Variants in MDGA1 observed in about 807,000 individuals in gnomAD.
MDGA1 encodes the protein MAM domain-containing glycosylphosphatidylinositol anchor protein 1.
MDGA1 carries 54 observed loss-of-function variants against 101.5 expected under a neutral mutation model. The ratio of observed to expected loss-of-function variants is 0.53; its 90% CI spans 0.43 to 0.67. The LOEUF (loss-of-function observed/expected upper bound fraction) is 0.67. Among genes scored for constraint, MDGA1 ranks in the 30% least tolerant of loss-of-function variants. The pLI is 0.00. For missense variants in MDGA1, 1,083 were observed against 1,323.8 expected, an observed-to-expected ratio of 0.82 and a Z score of 2.82; for synonymous variants, 533 against 558.3, an observed-to-expected ratio of 0.95 and a Z score of 0.64.
intron 3 of MDGA1, among the ~76,000 whole-genome samples, chr6:37,658,012 C>G (rs55928393): frequency 0.011 from 1,612 of 152,348 alleles, 28 homozygotes; most frequent in African/African-American, 0.036. Flanking sequence ...TCAACCCATC[C>G]TGCCCTCCCT....
chr6:37,649,957 C>T (rs1761316833), intron 8 of MDGA1, 152 bp downstream of exon 8: 4 of 858,716 alleles, frequency 4.7e-6, no homozygotes, highest in Non-Finnish European at 7.6e-6. Flanking sequence ...CCGTGTCCTA[C>T]AGCATGGGGC....
At chr6:37,671,254 T>C (rs1419915501) in intron 1 of MDGA1, among the ~76,000 whole-genome samples, 2 of 152,212 alleles carry the variant, frequency 1.3e-5, no homozygotes, top group Non-Finnish European at 2.9e-5. Context: ...AAGTATATTA[T>C]TGAAGGCTCT....
At chr6:37,663,936 G>A (rs1486758800) in intron 2 of MDGA1, 31 bp downstream of exon 2, 17 of 1,612,670 alleles carry the variant, frequency 1.1e-5, no homozygotes, top group Non-Finnish European at 1.4e-5. Flanking sequence ...AGGGTAGGAG[G>A]GGCCTGAGCA....
At chr6:37,641,089 TC>T (rs1764064149) in intron 14 of MDGA1, among the ~76,000 whole-genome samples, 1 of 152,048 alleles carries the variant, frequency 6.6e-6, no homozygotes, top group African/African-American at 2.4e-5. Context: ...TCTTCCCTCC[TC>T]CCCTCCCACT....
intron 3 of MDGA1, among the ~76,000 whole-genome samples, chr6:37,657,186 A>T (rs1039725032): frequency 6.6e-6 from 1 of 152,236 alleles, no homozygotes; most frequent in South Asian, 2.1e-4. Flanking sequence ...AGCTTAAGAA[A>T]GAATCGATAT....
At chr6:37,658,588 A>T (rs1417692974) in intron 2 of MDGA1, among the ~76,000 whole-genome samples, 169 bp from the exon 3 acceptor site, 4 of 152,344 alleles carry the variant, frequency 2.6e-5, no homozygotes, top group South Asian at 4.1e-4. Flanking sequence ...GGGAATGCAC[A>T]GACGGGGTAG....
At chr6:37,645,991 G>C in intron 11 of MDGA1, 35 bp from the exon 12 acceptor site, 1 of 1,613,908 alleles carries the variant, frequency 6.2e-7, no homozygotes, top group South Asian at 1.1e-5. Context: ...AGTCAGAACT[G>C]AGGTGTGGGG....
chr6:37,656,729 C>T (rs577175857), intron 3 of MDGA1, among the ~76,000 whole-genome samples: 1 of 152,198 alleles, frequency 6.6e-6, no homozygotes, highest in South Asian at 2.1e-4. Context: ...CTCCCAGGGA[C>T]CTGCATGAGG....
intron 1 of MDGA1, among the ~76,000 whole-genome samples, chr6:37,676,518 GT>G (rs1761982145): frequency 6.6e-6 from 1 of 152,266 alleles, no homozygotes; most frequent in Non-Finnish European, 1.5e-5. Context: ...TTGGGCTGCA[GT>G]GGGCATCTGG....
At chr6:37,640,026 G>C (rs1764025855) in intron 14 of MDGA1, among the ~76,000 whole-genome samples, 1 of 152,204 alleles carries the variant, frequency 6.6e-6, no homozygotes, top group African/African-American at 2.4e-5. Flanking sequence ...AAGGGAAGAT[G>C]TGAATCCCAG....
chr6:37,697,746 C>G lies in MDGA1; in HGVS notation c.-935G>C, dbSNP rs1404776465. The G allele has an allele frequency of 6.7e-6, 1 of 149,612 alleles. No homozygotes were observed. Among genetic ancestry groups the G allele is most frequent in the Non-Finnish European group, 1.5e-5 (1 of 67,220 alleles). 9.3% of individuals were successfully genotyped at this position (149,612 alleles called of 1,614,324 possible). ...GGGCTACGCCGCGCCCCAAGTTGGT[C>G]GTCCCCGCCCCCGCCCGGCGGCCTT... On this transcript the variant is annotated 5_prime_UTR_variant, in exon 1 of 17. Coordinates refer to ENST00000434837, the MANE Select transcript of MDGA1 (RefSeq NM_153487.4).
rs1049845450 is a variant in MDGA1 at position 37,637,263 on chromosome 6, G to A, written c.*105C>T. The A allele has an allele frequency of 1.3e-5, 12 of 889,870 alleles. No individual in the cohort carries two copies. Among genetic ancestry groups the A allele is most frequent in the African/African-American group, 8.3e-5 (5 of 60,484 alleles). The allele number at this position is 889,870 out of a possible 1,614,324, so 55.1% of individuals were successfully genotyped here. A position where few individuals can be genotyped will look rare whatever the true frequency, so the allele number is the denominator to read the frequency against. ...ATGCAGGCCCCCTCCCTGGCGGGCC[G>A]GCCCTGCCCCTGGGCACCCCAGCTG... On this transcript the variant is annotated 3_prime_UTR_variant, in exon 17 of 17. Coordinates refer to ENST00000434837, the MANE Select transcript of MDGA1 (RefSeq NM_153487.4).
chr6:37,679,660 G>A (rs1038635827), intron 1 of MDGA1, among the ~76,000 whole-genome samples: 12 of 152,146 alleles, frequency 7.9e-5, no homozygotes, highest in African/African-American at 2.7e-4. Flanking sequence ...GCAGCTTCCT[G>A]AGCCAGGCCT....
In MDGA1 at chr6:37,637,386, G is replaced by C. The variant is rs779933155; in HGVS notation, c.2850C>G (p.Leu950=). The change falls in exon 17 of 17, where the codon CTC becomes CTG. Residue 950 remains leucine (L), a synonymous_variant. Coordinates refer to ENST00000434837, the MANE Select transcript of MDGA1 (RefSeq NM_153487.4). The stretch of plus-strand genomic sequence containing the variant: ...GCTCTCATCATCTCTGCAACGCCAA[G>C]AGGAAGATGGCCATGGGCCCCCACA... The part of the protein sequence containing the change: ...PQLWGPMAIF[L]LALQR 1.9e-6 allele frequency: 3 copies of C among 1,613,676 alleles called. No homozygotes were observed. Among genetic ancestry groups the C allele is most frequent in the East Asian group, 2.2e-5 (1 of 44,876 alleles).
At chr6:37,661,577 T>A (rs1372883098) in intron 2 of MDGA1, among the ~76,000 whole-genome samples, 1 of 152,092 alleles carries the variant, frequency 6.6e-6, no homozygotes, top group African/African-American at 2.4e-5. Flanking sequence ...CTAGAAGGCA[T>A]TTTAGGAGAG....
At chr6:37,680,998 C>G (rs1013267578) in intron 1 of MDGA1, among the ~76,000 whole-genome samples, 80 of 58,158 alleles carry the variant, frequency 1.4e-3, no homozygotes, top group Non-Finnish European at 4.9e-4. Context: ...CCTCCTCAGC[C>G]CCCCCCCCCC....
At chr6:37,675,428 A>G (rs1486062560) in intron 1 of MDGA1, among the ~76,000 whole-genome samples, 1 of 152,188 alleles carries the variant, frequency 6.6e-6, no homozygotes, top group African/African-American at 2.4e-5. Flanking sequence ...AATAAATTTC[A>G]GTTCCATTTC....
Position 37,664,027 on chromosome 6 carries a change from G to A in MDGA1, c.147C>T (p.Thr49=), listed in dbSNP as rs1483165574. ...GCATGAGGGTGTCCCCCTCCCGGAT[G>A]GTGTAGACACGCTCGCTGATATTGT... is the stretch of plus-strand genomic sequence containing the variant. ...KEDNISERVY[T]IREGDTLMLQ... is the part of the protein sequence containing the mutation. Residue 49 remains threonine, a synonymous_variant, in exon 2 of 17, where the codon ACC becomes ACT. Transcript: ENST00000434837. 2 of 1,613,812 alleles carry A rather than the reference G, an allele frequency of 1.2e-6. No individual in the cohort carries two copies. Among genetic ancestry groups the A allele is most frequent in the African/African-American group, 1.3e-5 (1 of 74,914 alleles).
chr6:37,640,590 T>C (rs1343220997), intron 14 of MDGA1, among the ~76,000 whole-genome samples: 2 of 152,100 alleles, frequency 1.3e-5, no homozygotes, highest in Admixed American at 6.5e-5. Flanking sequence ...GCACTGGGAT[T>C]ACAGGCGTGA....
Sources: allele counts gnomAD v4.1 joint callset (sites outside exome capture counted in the v4.1 genomes callset), GRCh38; gene constraint gnomAD v4.1.1; transcripts MANE v1.5; gene names NCBI Gene and HGNC (gene_info 2026-07-23, HGNC 2026-07-21).